The following KALRN variants were observed in gnomAD, a reference collection of about 807,000 sequenced individuals.
KALRN encodes kalirin.
A neutral mutation model predicts 353.7 loss-of-function variants in KALRN; 70 were observed. The observed-to-expected ratio is 0.20, with a 90% CI of 0.16 to 0.24. The LOEUF is 0.24. Among genes scored for constraint, KALRN ranks in the 10% least tolerant of loss-of-function variants. The pLI is 1.00. For synonymous variants in KALRN, 1,391 were observed against 1,434.8 expected (o/e 0.97, Z 0.69); for missense variants, 2,791 against 3,756.7 (o/e 0.74, Z 6.72).
At chr3:124,115,402 T>C (rs1244356716) in intron 1 of KALRN, among the ~76,000 whole-genome samples, 1 of 152,172 alleles carries the variant, frequency 6.6e-6, no homozygotes, top group Non-Finnish European at 1.5e-5. Context: ...CTGCAGGCCA[T>C]GATTGTTTCG....
At chr3:124,394,361 TGGCAGGCCACTGGA>T (rs1378742100) in intron 11 of KALRN, among the ~76,000 whole-genome samples, 1 of 152,224 alleles carries the variant, frequency 6.6e-6, no homozygotes, top group East Asian at 1.9e-4. Flanking sequence ...GTGAGCTCTC[TGGCAGGCCACTGGA>T]GACCTGTATT....
intron 1 of KALRN, among the ~76,000 whole-genome samples, chr3:124,141,222 C>CT (rs2066582367): frequency 6.6e-6 from 1 of 152,166 alleles, no homozygotes; most frequent in South Asian, 2.1e-4. Flanking sequence ...CTGCAGGTTT[C>CT]TTTTACTTCA....
intron 33 of KALRN, chr3:124,519,621 T>C: frequency 1.0e-6 from 1 of 985,368 alleles, no homozygotes; most frequent in Non-Finnish European, 1.2e-6. Flanking sequence ...ACAATCTTAT[T>C]GTGAGGATGT....
Position 124,250,217 on chromosome 3 carries a change from C to T in KALRN, c.264-14281C>T, listed in dbSNP as rs541033832. Among the ~76,000 whole-genome samples, 4 of 152,258 alleles carry T rather than the reference C, an allele frequency of 2.6e-5. No individual in the cohort carries two copies. The South Asian group carries it at 8.3e-4, about 32-fold the overall frequency. ...GGGAAGGAGAGGAGGTGTGTGCAAGCCACAGCAAGGACTGTTTCCTGGAGG... is the reference window on the plus strand; with the variant it reads ...GGGAAGGAGAGGAGGTGTGTGCAAGTCACAGCAAGGACTGTTTCCTGGAGG... On this transcript the variant is annotated intron_variant, in intron 3 of 59. Coordinates refer to ENST00000682506, the MANE Select transcript of KALRN (RefSeq NM_001388419.1).
intron 3 of KALRN, among the ~76,000 whole-genome samples, chr3:124,257,891 C>T (rs2072262214): frequency 6.6e-6 from 1 of 152,198 alleles, no homozygotes; most frequent in South Asian, 2.1e-4. Context: ...CTTCACCCTC[C>T]TATGCCCCCG....
chr3:124,520,113 G>C (rs1298978446), intron 33 of KALRN, among the ~76,000 whole-genome samples: 1 of 152,008 alleles, frequency 6.6e-6, no homozygotes, highest in Non-Finnish European at 1.5e-5. Flanking sequence ...GGTAGAACAG[G>C]AGTGTGGTGG....
At chr3:124,078,236 T>G (rs2060357888) in intron 1 of KALRN, among the ~76,000 whole-genome samples, 1 of 152,228 alleles carries the variant, frequency 6.6e-6, no homozygotes, top group African/African-American at 2.4e-5. Flanking sequence ...CTTACTCAAC[T>G]GTATGTTGTT....
chr3:124,585,959 C>T (rs2075136423), intron 34 of KALRN, among the ~76,000 whole-genome samples: 1 of 152,212 alleles, frequency 6.6e-6, no homozygotes, highest in African/African-American at 2.4e-5. Flanking sequence ...GTGCCACAAA[C>T]ACACAACATA....
chr3:124,154,539 G>A (rs2068685511), intron 1 of KALRN, among the ~76,000 whole-genome samples: 1 of 152,152 alleles, frequency 6.6e-6, no homozygotes, highest in Non-Finnish European at 1.5e-5. Context: ...AAATACTTAG[G>A]AATCCAACTT....
intron 1 of KALRN, among the ~76,000 whole-genome samples, chr3:124,054,357 T>TTAAAAATAAAAGTAAAAATAAAAA (rs2041323506): frequency 7.3e-6 from 1 of 136,912 alleles, no homozygotes; most frequent in Non-Finnish European, 1.5e-5. Context: ...ACCCCATCAC[T>TTAAAAATAAAAGTAAAAATAAAAA]TAAAAATAAA....
At chr3:124,626,311 T>C (rs2079947184) in intron 34 of KALRN, among the ~76,000 whole-genome samples, 2 of 152,146 alleles carry the variant, frequency 1.3e-5, no homozygotes. Flanking sequence ...TGAGGGCAAT[T>C]AGAGAGTAGG....
intron 6 of KALRN, among the ~76,000 whole-genome samples, chr3:124,307,417 G>A (rs986001572): frequency 2.0e-5 from 3 of 151,924 alleles, no homozygotes; most frequent in Admixed American, 6.6e-5. Context: ...ATTACAGAAA[G>A]TGATACTTAT....
intron 14 of KALRN, among the ~76,000 whole-genome samples, chr3:124,421,623 G>A (rs1417803426): frequency 6.6e-6 from 1 of 152,166 alleles, no homozygotes; most frequent in Non-Finnish European, 1.5e-5. Context: ...CTGTTCCAAA[G>A]CTAGTACACT....
intron 34 of KALRN, among the ~76,000 whole-genome samples, chr3:124,608,326 T>G (rs762294344): frequency 6.6e-6 from 1 of 152,144 alleles, no homozygotes; most frequent in Non-Finnish European, 1.5e-5. Flanking sequence ...TACCCTCTCA[T>G]GCAACCTTTA....
At chr3:124,117,998 C>A (rs1030523570) in intron 1 of KALRN, among the ~76,000 whole-genome samples, 2 of 152,134 alleles carry the variant, frequency 1.3e-5, no homozygotes, top group Non-Finnish European at 2.9e-5. Context: ...AACGTAAAAT[C>A]TCTTTGGGTT....
chr3:124,418,308 A>C (rs544379707), intron 14 of KALRN, among the ~76,000 whole-genome samples: 1 of 152,206 alleles, frequency 6.6e-6, no homozygotes, highest in Non-Finnish European at 1.5e-5. Flanking sequence ...AAAAATACCA[A>C]TGTCTGGGCT....
chr3:124,482,334 T>C (rs966630901), intron 27 of KALRN, among the ~76,000 whole-genome samples: 1 of 152,082 alleles, frequency 6.6e-6, no homozygotes, highest in African/African-American at 2.4e-5. Context: ...AGGAGATATA[T>C]CCTTGTGCTA....
chr3:124,565,855 T>A (rs768094590), intron 34 of KALRN, among the ~76,000 whole-genome samples: 6 of 152,260 alleles, frequency 3.9e-5, no homozygotes, highest in South Asian at 2.1e-4. Context: ...GGTGGAAGCA[T>A]TCAGGGTAAG....
chr3:124,632,089 C>A (rs1267333006), intron 34 of KALRN, among the ~76,000 whole-genome samples: 1 of 152,222 alleles, frequency 6.6e-6, no homozygotes, highest in African/African-American at 2.4e-5. Flanking sequence ...GCACTTCTCA[C>A]CACCTGTCAT....
Sources: allele counts gnomAD v4.1 joint callset (sites outside exome capture counted in the v4.1 genomes callset), GRCh38; gene constraint gnomAD v4.1.1; transcripts MANE v1.5; gene names NCBI Gene and HGNC (gene_info 2026-07-23, HGNC 2026-07-21).